DLGAP2: variants seen among roughly 807,000 people sequenced by gnomAD.
DLGAP2 encodes the protein disks large-associated protein 2.
In DLGAP2, 26 loss-of-function variants were observed where a neutral mutation model predicts 100.3. The ratio of observed to expected loss-of-function variants is 0.26; its 90% CI spans 0.19 to 0.36. The LOEUF is 0.36. Ranked by LOEUF, DLGAP2 falls within the 10% of genes least tolerant of loss-of-function variation. The pLI, the probability that DLGAP2 is intolerant of heterozygous loss-of-function variation, is 1.00. For synonymous variants in DLGAP2, 886 were observed against 630.1 expected, an observed-to-expected ratio of 1.41 and a Z score of -6.08; for missense variants, 1,858 against 1,453.2, an observed-to-expected ratio of 1.28 and a Z score of -4.53.
intron 3 of DLGAP2, among the ~76,000 whole-genome samples, chr8:1,453,806 A>G (rs1174221798): frequency 6.6e-6 from 1 of 152,262 alleles, no homozygotes; most frequent in Non-Finnish European, 1.5e-5. Flanking sequence ...ATAAGGCATC[A>G]TGCAAGAATT....
chr8:1,022,181 T>C lies in DLGAP2; in HGVS notation c.73+114215T>C, dbSNP rs1279124323. 2.6e-5 allele frequency among the ~76,000 whole-genome samples: 4 copies of C among 151,964 alleles called. No individual in the cohort carries two copies. In the East Asian group the frequency reaches 7.8e-4, roughly 30 times the overall value. ...GGGGGTGGACAGTCCTGTGCTGAGGTAGACACTCCAAACACCACCCACCCT... is the reference window on the plus strand; with the variant it reads ...GGGGGTGGACAGTCCTGTGCTGAGGCAGACACTCCAAACACCACCCACCCT... On this transcript the variant is annotated intron_variant, in intron 2 of 14. Transcript: ENST00000637795.
At chr8:1,391,251 A>G (rs532715894) in intron 3 of DLGAP2, among the ~76,000 whole-genome samples, 2 of 152,322 alleles carry the variant, frequency 1.3e-5, no homozygotes, top group South Asian at 2.1e-4. Flanking sequence ...CGAGCTTCCA[A>G]ACTAGGCAAT....
At chr8:1,047,902 G>C (rs1315598109) in intron 2 of DLGAP2, among the ~76,000 whole-genome samples, 1 of 152,134 alleles carries the variant, frequency 6.6e-6, no homozygotes, top group African/African-American at 2.4e-5. Context: ...TGTTTATTTT[G>C]TGGCTCTCAG....
At chr8:1,435,578 G>A (rs1427964050) in intron 3 of DLGAP2, among the ~76,000 whole-genome samples, 1 of 152,090 alleles carries the variant, frequency 6.6e-6, no homozygotes, top group Non-Finnish European at 1.5e-5. Context: ...AGACGACCAT[G>A]TTGCTGGTTT....
Position 1,050,413 on chromosome 8 carries a change from G to C in DLGAP2, c.73+142447G>C, listed in dbSNP as rs147321672. 3.3e-5 allele frequency among the ~76,000 whole-genome samples: 5 copies of C among 152,272 alleles called. No individual in the cohort carries two copies. In the East Asian group the frequency reaches 9.7e-4, roughly 29 times the overall value. ...ACAGGCCTTGTGCGAGGTGGCTTTT[G>C]CCCACTGTAAGCTGATGCGTGTGTT... On this transcript the variant is annotated intron_variant, in intron 2 of 14. Transcript: ENST00000637795.
At chr8:1,226,937 G>GA (rs1798428296) in intron 2 of DLGAP2, among the ~76,000 whole-genome samples, 1 of 151,824 alleles carries the variant, frequency 6.6e-6, no homozygotes, top group South Asian at 2.1e-4. Flanking sequence ...AACAATTATG[G>GA]AAAACAGTAT....
intron 4 of DLGAP2, among the ~76,000 whole-genome samples, chr8:1,539,439 A>G (rs993556998): frequency 6.6e-6 from 1 of 152,104 alleles, no homozygotes; most frequent in Non-Finnish European, 1.5e-5. Context: ...GACGGCTCTA[A>G]TCTCGGTGCA....
intron 6 of DLGAP2, 129 bp from the exon 7 acceptor site, chr8:1,626,611 G>C: frequency 8.3e-7 from 1 of 1,205,132 alleles, no homozygotes; most frequent in Non-Finnish European, 1.2e-6. Context: ...GGTGTGGGTT[G>C]GACGGTCGTT....
chr8:1,172,066 T>C (rs547522557), intron 2 of DLGAP2, among the ~76,000 whole-genome samples: 4 of 152,220 alleles, frequency 2.6e-5, no homozygotes, highest in East Asian at 1.9e-4. Flanking sequence ...GGAGCTCTTT[T>C]AGGGCAGGCC....
chr8:1,299,754 A>G (rs747659765), intron 3 of DLGAP2, among the ~76,000 whole-genome samples: 4 of 152,140 alleles, frequency 2.6e-5, no homozygotes, highest in Admixed American at 6.5e-5. Context: ...ATCATCTACA[A>G]TCCCCCCTGG....
chr8:1,160,601 A>G (rs908487840), intron 2 of DLGAP2, among the ~76,000 whole-genome samples: 1 of 152,138 alleles, frequency 6.6e-6, no homozygotes. Flanking sequence ...ACTTAGTTCT[A>G]TGTACAGGCC....
intron 2 of DLGAP2, among the ~76,000 whole-genome samples, chr8:966,977 T>G (rs78736031): frequency 0.012 from 1,851 of 152,392 alleles, 45 homozygotes; most frequent in African/African-American, 0.042. Context: ...CTCTTGCATT[T>G]GAGTGGCTGC....
chr8:790,330 A>C (rs1821993351), intron 1 of DLGAP2, among the ~76,000 whole-genome samples: 1 of 152,212 alleles, frequency 6.6e-6, no homozygotes, highest in Non-Finnish European at 1.5e-5. Context: ...AAGCTGTAAG[A>C]GATGCTTGGA....
At chr8:809,982 A>C (rs1256696379) in intron 1 of DLGAP2, among the ~76,000 whole-genome samples, 1 of 152,204 alleles carries the variant, frequency 6.6e-6, no homozygotes, top group Non-Finnish European at 1.5e-5. Flanking sequence ...CAAGGCCCTC[A>C]GCTCTGGGAC....
At chr8:1,236,270 TTCTAGTTCTCTCACATGGCGCCGTG>T (rs1554508161) in intron 2 of DLGAP2, among the ~76,000 whole-genome samples, 3 of 14,176 alleles carry the variant, frequency 2.1e-4, no homozygotes, top group African/African-American at 5.0e-4. Flanking sequence ...ATGGTGCCGT[TTCTAGTTCTCTCACATGGCGCCGTG>T]TCTAGTTCTC....
intron 14 of DLGAP2, among the ~76,000 whole-genome samples, chr8:1,699,352 T>C (rs924709654): frequency 4.0e-5 from 6 of 151,174 alleles, no homozygotes; most frequent in African/African-American, 1.5e-4. Flanking sequence ...ACGCCTGTAA[T>C]CCCAGCACTT....
intron 2 of DLGAP2, among the ~76,000 whole-genome samples, chr8:1,157,039 T>C (rs1376363303): frequency 1.3e-5 from 2 of 151,990 alleles, no homozygotes. Flanking sequence ...CTCTCAGTGG[T>C]ACCTTCAGAG....
At chr8:1,074,394 T>G (rs993821285) in intron 2 of DLGAP2, among the ~76,000 whole-genome samples, 1 of 152,230 alleles carries the variant, frequency 6.6e-6, no homozygotes, top group African/African-American at 2.4e-5. Flanking sequence ...AGCACAGAAT[T>G]TCTCTTCAGC....
At chr8:921,400 C>T (rs945034651) in intron 2 of DLGAP2, among the ~76,000 whole-genome samples, 2 of 151,622 alleles carry the variant, frequency 1.3e-5, no homozygotes, top group African/African-American at 2.4e-5. Flanking sequence ...TGGGGATGTG[C>T]GTCTATGGCC....
Sources: gnomAD v4.1 joint callset for allele counts (sites outside exome capture counted in the v4.1 genomes callset) on GRCh38, gnomAD v4.1.1 for gene constraint, MANE v1.5 for transcripts, NCBI Gene and HGNC (gene_info 2026-07-23, HGNC 2026-07-21) for gene names.